Variants in GRM7 observed in about 807,000 individuals in gnomAD.
The protein encoded by GRM7 is metabotropic glutamate receptor 7.
A neutral mutation model predicts 84.5 loss-of-function variants in GRM7; 35 were observed. The ratio of observed to expected loss-of-function variants is 0.41; its 90% confidence interval spans 0.32 to 0.55. The LOEUF is 0.55. Among genes scored for constraint, GRM7 ranks in the 20% least tolerant of loss-of-function variants. GRM7 has a pLI of 0.19. For missense variants in GRM7, 1,003 were observed against 1,194.6 expected (o/e 0.84, Z 2.36); for synonymous variants, 487 against 455.1 (o/e 1.07, Z -0.89).
rs1702647360 is a variant in GRM7, at chr3:7,740,354, C to CAGG, written c.2699-2_2699dup. 6.3e-7 allele frequency: 1 copy of CAGG among 1,575,348 alleles called. No homozygotes were observed. The highest frequency in any genetic ancestry group is 8.7e-7 in the Non-Finnish European group (1 of 1,150,510). ...AACTGACACTTTCTAATTTTTCTTTCAGGCCCTGCTGCAAAAAAGAAGTAT... is the reference window on the plus strand; with the variant it reads ...AACTGACACTTTCTAATTTTTCTTTCAGGAGGCCCTGCTGCAAAAAAGAAGTAT... On this transcript the variant is annotated splice_region_variant and splice_polypyrimidine_tract_variant and intron_variant, in intron 9 of 9. Coordinates refer to ENST00000357716, the MANE Select transcript of GRM7 (RefSeq NM_000844.4).
In GRM7 at chr3:7,578,810, G is replaced by C; in HGVS notation, c.1904G>C (p.Gly635Ala). The C allele has an allele frequency of 6.2e-7, 1 of 1,614,098 alleles. No homozygotes were observed. Among genetic ancestry groups the C allele is most frequent in the Non-Finnish European group, 8.5e-7 (1 of 1,180,008 alleles). Residue 635 changes from glycine to alanine, a missense_variant, in exon 8 of 10, where the codon GGC (glycine) becomes GCC (alanine). Gly to Ala is a moderately conservative substitution (Grantham distance 60). This residue lies in a region of GRM7 where 910 missense variants were observed against 1,126.0 expected (regional missense o/e 0.81). Transcript: ENST00000357716. ...GRELSYVLLT[G>A]IFLCYIITFL... Reference sequence around the variant, plus strand: ...GAACTCAGCTATGTTCTTTTGACGGGCATCTTTCTTTGCTACATCATCACT... The same window carrying C: ...GAACTCAGCTATGTTCTTTTGACGGCCATCTTTCTTTGCTACATCATCACT...
intron 1 of GRM7, among the ~76,000 whole-genome samples, chr3:7,010,866 G>T (rs1015153876): frequency 3.3e-5 from 5 of 152,122 alleles, no homozygotes; most frequent in Non-Finnish European, 7.4e-5. Context: ...CAGAAAATGG[G>T]AAAAAAGCAA....
chr3:6,926,529 G>A (rs1032919749), intron 1 of GRM7, among the ~76,000 whole-genome samples: 3 of 152,150 alleles, frequency 2.0e-5, no homozygotes, highest in Non-Finnish European at 4.4e-5. Flanking sequence ...CGTTTTAAAA[G>A]CCAGGACATT....
At chr3:6,903,459 G>T (rs1046987496) in intron 1 of GRM7, among the ~76,000 whole-genome samples, 12 of 151,980 alleles carry the variant, frequency 7.9e-5, no homozygotes, top group African/African-American at 2.7e-4. Context: ...ATACATCTCT[G>T]TTGCTGCATA....
chr3:7,709,721 AAC>A (rs1701515560), intron 9 of GRM7, among the ~76,000 whole-genome samples: 1 of 152,202 alleles, frequency 6.6e-6, no homozygotes, highest in Non-Finnish European at 1.5e-5. Flanking sequence ...AGGAAAAATA[AAC>A]ACAGCCCAAA....
intron 9 of GRM7, among the ~76,000 whole-genome samples, chr3:7,694,702 T>C (rs1700951340): frequency 6.6e-6 from 1 of 152,198 alleles, no homozygotes; most frequent in African/African-American, 2.4e-5. Flanking sequence ...TAGGCATAAA[T>C]ACATTCAACA....
rs73120400 is a variant in GRM7, at chr3:7,126,491, A to T, written c.520-19961A>T. Among the ~76,000 whole-genome samples, 408 of 152,252 alleles carry T rather than the reference A, an allele frequency of 2.7e-3. 2 individuals are homozygous for T. Among genetic ancestry groups the T allele is most frequent in the African/African-American group, 9.5e-3 (395 of 41,552 alleles). On this transcript the variant is annotated intron_variant, in intron 1 of 9. Coordinates refer to ENST00000357716, the MANE Select transcript of GRM7 (RefSeq NM_000844.4). ...CCGAAGGTTTGTCAACTTCCATGGGAGTATGAACCGGTGGTTGAATGACTG... is the reference window on the plus strand; with the variant it reads ...CCGAAGGTTTGTCAACTTCCATGGGTGTATGAACCGGTGGTTGAATGACTG...
chr3:7,647,376 T>C (rs1698695621), intron 8 of GRM7, among the ~76,000 whole-genome samples: 1 of 152,170 alleles, frequency 6.6e-6, no homozygotes, highest in Non-Finnish European at 1.5e-5. Flanking sequence ...GAAACACATT[T>C]ACCTTGACCA....
intron 4 of GRM7, among the ~76,000 whole-genome samples, chr3:7,331,225 AGAG>A (rs959001219): frequency 4.7e-4 from 71 of 152,230 alleles, no homozygotes; most frequent in African/African-American, 1.6e-3. Context: ...GAATGAATAA[AGAG>A]GAGGCATGAA....
chr3:7,234,495 T>C (rs1228889275), intron 2 of GRM7, among the ~76,000 whole-genome samples: 1 of 152,218 alleles, frequency 6.6e-6, no homozygotes, highest in Non-Finnish European at 1.5e-5. Flanking sequence ...GTTTATGAAG[T>C]TCTTAGTCCT....
At chr3:7,354,224 C>T (rs1241482212) in intron 4 of GRM7, among the ~76,000 whole-genome samples, 1 of 152,110 alleles carries the variant, frequency 6.6e-6, no homozygotes, top group African/African-American at 2.4e-5. Flanking sequence ...AATAACCAGA[C>T]ATTTGGGGAC....
intron 5 of GRM7, among the ~76,000 whole-genome samples, chr3:7,438,587 C>T (rs577635966): frequency 1.3e-5 from 2 of 152,028 alleles, no homozygotes; most frequent in Non-Finnish European, 2.9e-5. Flanking sequence ...CCAGAAGGGG[C>T]AAGCAGACAG....
intron 1 of GRM7, among the ~76,000 whole-genome samples, chr3:6,972,234 G>C (rs530144783): frequency 6.6e-6 from 1 of 152,126 alleles, no homozygotes; most frequent in East Asian, 1.9e-4. Context: ...TGAAATGCAG[G>C]GCAGGAAGGC....
At chr3:6,887,626 A>G (rs1695751434) in intron 1 of GRM7, among the ~76,000 whole-genome samples, 1 of 152,144 alleles carries the variant, frequency 6.6e-6, no homozygotes, top group Admixed American at 6.5e-5. Context: ...AATCCAGTCT[A>G]TCATTGCTGG....
At chr3:6,994,129 A>G (rs531940949) in intron 1 of GRM7, among the ~76,000 whole-genome samples, 2 of 152,366 alleles carry the variant, frequency 1.3e-5, no homozygotes, top group African/African-American at 4.8e-5. Flanking sequence ...AGGAGAAGAA[A>G]GGAAGAAAAT....
At chr3:6,992,366 C>A (rs80118337) in intron 1 of GRM7, among the ~76,000 whole-genome samples, 1 of 152,136 alleles carries the variant, frequency 6.6e-6, no homozygotes, top group Non-Finnish European at 1.5e-5. Context: ...TATGCACATA[C>A]GTTTAACTGC....
At position 6,869,573 on chromosome 3, in the gene GRM7, A is replaced by G. The variant is rs1239768646; in HGVS notation, c.519+7666A>G. Among the ~76,000 whole-genome samples the G allele has an allele frequency of 2.9e-5, 4 of 138,790 alleles. 1 individual carries two copies. The highest frequency in any genetic ancestry group is 1.1e-4 in the African/African-American group (4 of 37,898). 91.1% of individuals were successfully genotyped at this position (138,790 alleles called of 152,430 possible). On this transcript the variant is annotated intron_variant, in intron 1 of 9. Coordinates refer to ENST00000357716, the MANE Select transcript of GRM7 (RefSeq NM_000844.4). ...ACATACATATGTATAATTTACATCTATCTATCTGTCTATCTATCTATCTAT... is the reference window on the plus strand; with the variant it reads ...ACATACATATGTATAATTTACATCTGTCTATCTGTCTATCTATCTATCTAT...
intron 2 of GRM7, among the ~76,000 whole-genome samples, chr3:7,196,300 C>T (rs1695876972): frequency 6.6e-6 from 1 of 152,064 alleles, no homozygotes; most frequent in Admixed American, 6.6e-5. Flanking sequence ...TACTCAAAGT[C>T]CACCCATTTA....
chr3:7,325,407 T>C (rs1374695790), intron 4 of GRM7, among the ~76,000 whole-genome samples: 1 of 152,186 alleles, frequency 6.6e-6, no homozygotes, highest in East Asian at 1.9e-4. Context: ...AAAACACAGA[T>C]TGCTGGGCCT....
Sources: allele counts gnomAD v4.1 joint callset (sites outside exome capture counted in the v4.1 genomes callset), GRCh38; gene constraint gnomAD v4.1.1; regional missense constraint gnomAD v4.1.1; transcripts MANE v1.5; gene names NCBI Gene and HGNC (gene_info 2026-07-23, HGNC 2026-07-21).